The following TTC28 variants were observed in gnomAD, a reference collection of about 807,000 sequenced individuals.
TTC28 encodes tetratricopeptide repeat domain 28.
A neutral mutation model predicts 198.0 loss-of-function variants in TTC28; 61 were observed. The observed-to-expected ratio is 0.31, with a 90% CI of 0.25 to 0.38. TTC28 has a LOEUF of 0.38. Ranked by LOEUF, TTC28 falls within the 10% of genes least tolerant of loss-of-function variation. The probability of loss-of-function intolerance (pLI) is 1.00; values close to 1 mark genes in which losing one functional copy is unlikely to be tolerated. For synonymous variants in TTC28, 1,171 were observed against 1,297.8 expected (o/e 0.90, Z 2.10); for missense variants, 2,678 against 3,164.0 (o/e 0.85, Z 3.69).
chr22:28,509,530 G>A (rs1262228641), intron 2 of TTC28, among the ~76,000 whole-genome samples: 1 of 152,212 alleles, frequency 6.6e-6, no homozygotes, highest in African/African-American at 2.4e-5. Flanking sequence ...TGCAGTTAAA[G>A]CGGTGTTAAG....
intron 14 of TTC28, among the ~76,000 whole-genome samples, chr22:28,009,156 A>T (rs1445695318): frequency 6.6e-6 from 1 of 152,148 alleles, no homozygotes; most frequent in Non-Finnish European, 1.5e-5. Flanking sequence ...TGCTCACCCC[A>T]TCCTGACAGC....
intron 10 of TTC28, among the ~76,000 whole-genome samples, chr22:28,097,243 C>A (rs1942005803): frequency 2.0e-5 from 3 of 152,234 alleles, no homozygotes; most frequent in Admixed American, 2.0e-4. Flanking sequence ...AAGAGGGATG[C>A]TAACAGTTGT....
At chr22:28,069,643 A>G (rs1940885511) in intron 12 of TTC28, among the ~76,000 whole-genome samples, 2 of 152,202 alleles carry the variant, frequency 1.3e-5, no homozygotes, top group Non-Finnish European at 2.9e-5. Context: ...AGTATTATAT[A>G]GAATCTGGAT....
chr22:28,567,440 TATAC>T lies in TTC28; in HGVS notation c.381+62108_381+62111del, dbSNP rs1298021452. Among the ~76,000 whole-genome samples the T allele has an allele frequency of 5.8e-5, 7 of 121,322 alleles. No individual in the cohort carries two copies. The East Asian group carries it at 1.5e-3, about 27-fold the overall frequency. The allele number at this position is 121,322 out of a possible 152,430, so 79.6% of individuals were successfully genotyped here. A position where few individuals can be genotyped will look rare whatever the true frequency, so the allele number is the denominator to read the frequency against. On this transcript the variant is annotated intron_variant, in intron 2 of 22. Transcript: ENST00000397906. ...ATACACACTCACATATATACACACA[TATAC>T]ATACACACACACACCACACGCATAT...
At chr22:28,367,821 T>C (rs2046272365) in intron 2 of TTC28, among the ~76,000 whole-genome samples, 1 of 151,680 alleles carries the variant, frequency 6.6e-6, no homozygotes, top group African/African-American at 2.4e-5. Context: ...CCAGAAGAAA[T>C]GGAAATTCCT....
intron 2 of TTC28, among the ~76,000 whole-genome samples, chr22:28,477,266 AAAAAC>A (rs558341373): frequency 2.8e-4 from 42 of 152,338 alleles, no homozygotes; most frequent in African/African-American, 9.1e-4. Context: ...CAGATTTATC[AAAAAC>A]AAAACAAAAC....
At chr22:28,088,262 A>T (rs1239655453) in intron 12 of TTC28, among the ~76,000 whole-genome samples, 1 of 152,162 alleles carries the variant, frequency 6.6e-6, no homozygotes, top group South Asian at 2.1e-4. Flanking sequence ...ACTTCCAACT[A>T]TACTACAAGG....
intron 2 of TTC28, among the ~76,000 whole-genome samples, chr22:28,584,016 GT>G (rs67108156): frequency 6.4e-4 from 85 of 133,012 alleles, no homozygotes; most frequent in Middle Eastern, 4.1e-3. Context: ...GTTTTGTTTT[GT>G]TTTTTTTTTT....
chr22:28,551,273 G>A (rs1026211828), intron 2 of TTC28, among the ~76,000 whole-genome samples: 2 of 152,080 alleles, frequency 1.3e-5, no homozygotes, highest in African/African-American at 4.8e-5. Context: ...GCACCAGGCA[G>A]ATTCACAGCT....
intron 12 of TTC28, among the ~76,000 whole-genome samples, chr22:28,070,958 T>G (rs1310066241): frequency 6.6e-6 from 1 of 152,200 alleles, no homozygotes; most frequent in Non-Finnish European, 1.5e-5. Context: ...TGCTACTCGA[T>G]TCAACTATGA....
intron 2 of TTC28, among the ~76,000 whole-genome samples, chr22:28,456,599 C>T (rs754829291): frequency 1.3e-5 from 2 of 151,896 alleles, no homozygotes; most frequent in Admixed American, 6.6e-5. Flanking sequence ...TTCTTTGAGA[C>T]GAAGTCTCAC....
chr22:28,606,959 A>C (rs2050745356), intron 2 of TTC28, among the ~76,000 whole-genome samples: 1 of 152,192 alleles, frequency 6.6e-6, no homozygotes, highest in Non-Finnish European at 1.5e-5. Flanking sequence ...TTTAAGCTGA[A>C]GTAATTTGAG....
At chr22:28,670,720 T>C (rs751868638) in intron 1 of TTC28, among the ~76,000 whole-genome samples, 2 of 150,200 alleles carry the variant, frequency 1.3e-5, no homozygotes, top group African/African-American at 2.5e-5. Flanking sequence ...TATATATATA[T>C]ATATGAGTGG....
chr22:28,470,887 TCGAAATGTGGAGATGACA>T (rs1403544346), intron 2 of TTC28, among the ~76,000 whole-genome samples: 2 of 152,168 alleles, frequency 1.3e-5, no homozygotes, highest in Admixed American at 6.5e-5. Context: ...TGGAGATGAC[TCGAAATGTGGAGATGACA>T]AGCACAGATT....
At chr22:28,202,402 C>A (rs1292906506) in intron 5 of TTC28, among the ~76,000 whole-genome samples, 2 of 151,794 alleles carry the variant, frequency 1.3e-5, no homozygotes, top group African/African-American at 4.8e-5. Context: ...CAGGGCATGG[C>A]AGCAGGAGCC....
intron 2 of TTC28, among the ~76,000 whole-genome samples, chr22:28,605,063 G>A (rs539310209): frequency 6.6e-6 from 1 of 152,272 alleles, no homozygotes; most frequent in African/African-American, 2.4e-5. Context: ...ACAAACCTGA[G>A]AACATAAATA....
intron 5 of TTC28, among the ~76,000 whole-genome samples, chr22:28,278,804 T>C (rs139462032): frequency 2.6e-5 from 4 of 152,214 alleles, no homozygotes; most frequent in African/African-American, 9.6e-5. Flanking sequence ...TGTAGGATAA[T>C]GTGCACTCCA....
intron 2 of TTC28, among the ~76,000 whole-genome samples, chr22:28,484,297 G>A (rs989391605): frequency 2.6e-5 from 4 of 151,730 alleles, no homozygotes; most frequent in African/African-American, 9.7e-5. Flanking sequence ...TTTTTTATAC[G>A]GATGGGGTCT....
intron 5 of TTC28, among the ~76,000 whole-genome samples, chr22:28,273,860 A>G (rs1932245577): frequency 6.6e-6 from 1 of 152,214 alleles, no homozygotes; most frequent in Non-Finnish European, 1.5e-5. Context: ...AAAAGATACT[A>G]TCTTCAATAA....
Sources: gnomAD v4.1 joint callset for allele counts (sites outside exome capture counted in the v4.1 genomes callset) on GRCh38, gnomAD v4.1.1 for gene constraint, MANE v1.5 for transcripts, NCBI Gene and HGNC (gene_info 2026-07-23, HGNC 2026-07-21) for gene names.